Variants in DPP10 observed in about 807,000 individuals in gnomAD.
The protein encoded by DPP10 is dipeptidyl peptidase like 10.
A neutral mutation model predicts 120.9 loss-of-function variants in DPP10; 33 were observed. The observed-to-expected ratio is 0.27, with a 90% CI of 0.21 to 0.37. The LOEUF is 0.37. Ranked by LOEUF, DPP10 falls within the 10% of genes least tolerant of loss-of-function variation. The pLI is 1.00. For missense variants in DPP10, 816 were observed against 942.8 expected (o/e 0.87, Z 1.76); for synonymous variants, 337 against 326.1 (o/e 1.03, Z -0.36).
intron 1 of DPP10, among the ~76,000 whole-genome samples, chr2:114,878,555 C>A (rs912774580): frequency 5.3e-5 from 8 of 152,164 alleles, no homozygotes; most frequent in African/African-American, 1.9e-4. Flanking sequence ...CACGTTTATG[C>A]CTATTAACCA....
At position 114,708,631 on chromosome 2, in the gene DPP10, T is replaced by C. The variant is rs550414671; in HGVS notation, c.60+265793T>C. Among the ~76,000 whole-genome samples the C allele has an allele frequency of 1.1e-4, 16 of 152,114 alleles. No individual in the cohort carries two copies. In the East Asian group the frequency reaches 2.7e-3, roughly 26 times the overall value. On this transcript the variant is annotated intron_variant, in intron 1 of 25. Coordinates refer to ENST00000410059, the MANE Select transcript of DPP10 (RefSeq NM_020868.6). ...ACTGTGGCTCAGGTGTACATCACTGTGGTAAAAAAAAGGAGGAAAGAAAAG... is the reference window on the plus strand; with the variant it reads ...ACTGTGGCTCAGGTGTACATCACTGCGGTAAAAAAAAGGAGGAAAGAAAAG...
rs1205896000 is a variant in DPP10 at position 114,928,809 on chromosome 2, T to A, written c.61-380430T>A. On this transcript the variant is annotated intron_variant, in intron 1 of 25. Transcript: ENST00000410059. Reference sequence around the variant, plus strand: ...TTTCACCACTCTTGCATTCTGGACATCTACAGACATAGCACGAGGTGTATG... The same window carrying A: ...TTTCACCACTCTTGCATTCTGGACAACTACAGACATAGCACGAGGTGTATG... Among the ~76,000 whole-genome samples the A allele has an allele frequency of 2.0e-5, 3 of 152,286 alleles. No individual in the cohort carries two copies. In the East Asian group the frequency reaches 5.8e-4, roughly 29 times the overall value.
chr2:114,737,313 C>T (rs1677537151), intron 1 of DPP10, among the ~76,000 whole-genome samples: 1 of 152,182 alleles, frequency 6.6e-6, no homozygotes, highest in Non-Finnish European at 1.5e-5. Context: ...GAACTGGTGT[C>T]TGATTGAAGA....
chr2:115,084,373 A>G (rs1708522820), intron 1 of DPP10, among the ~76,000 whole-genome samples: 1 of 152,234 alleles, frequency 6.6e-6, no homozygotes. Context: ...AGCCAGAATT[A>G]TGATTTCAAA....
rs1489806740 is a variant in DPP10 at position 115,540,586 on chromosome 2, T to G, written c.441+14614T>G. Among the ~76,000 whole-genome samples, 4 of 151,928 alleles carry G rather than the reference T, an allele frequency of 2.6e-5. No individual in the cohort carries two copies. The East Asian group carries it at 7.7e-4, about 29-fold the overall frequency. The stretch of plus-strand genomic sequence containing the variant: ...GTATTTGTGTGAATTTTGATCTTCA[T>G]AAAGAAACATTAAATAATCTAAGTT... On this transcript the variant is annotated intron_variant, in intron 5 of 25. Coordinates refer to ENST00000410059, the MANE Select transcript of DPP10 (RefSeq NM_020868.6).
At chr2:114,643,380 A>G (rs1340260284) in intron 1 of DPP10, among the ~76,000 whole-genome samples, 2 of 151,930 alleles carry the variant, frequency 1.3e-5, no homozygotes, top group African/African-American at 4.9e-5. Context: ...ACCCATGCAC[A>G]CTTAGTTTAT....
At chr2:115,816,214 A>G (rs1312134967) in intron 21 of DPP10, among the ~76,000 whole-genome samples, 3 of 152,216 alleles carry the variant, frequency 2.0e-5, no homozygotes, top group African/African-American at 4.8e-5. Flanking sequence ...ACACAATTTC[A>G]TATAGTAATA....
chr2:115,374,820 T>G (rs1374952317), intron 3 of DPP10, among the ~76,000 whole-genome samples: 2 of 152,144 alleles, frequency 1.3e-5, no homozygotes, highest in East Asian at 3.9e-4. Flanking sequence ...TAGCTATGGA[T>G]AAAACTGGAG....
At position 115,464,580 on chromosome 2, in the gene DPP10, CTG is replaced by C. The variant is rs546209345; in HGVS notation, c.272-34928_272-34927del. 1.3e-3 allele frequency among the ~76,000 whole-genome samples: 193 copies of C among 152,190 alleles called. 2 individuals are homozygous for C. The highest frequency in any genetic ancestry group is 4.6e-3 in the African/African-American group (190 of 41,548). On this transcript the variant is annotated intron_variant, in intron 3 of 25. Coordinates refer to ENST00000410059, the MANE Select transcript of DPP10 (RefSeq NM_020868.6). ...GAATGCCCCAGCCTGTATGTTGAAA[CTG>C]TTTACACATGCTACTCCTCAGGCCC...
intron 5 of DPP10, among the ~76,000 whole-genome samples, chr2:115,609,446 G>C (rs2083939861): frequency 6.6e-6 from 1 of 152,112 alleles, no homozygotes; most frequent in Admixed American, 6.6e-5. Context: ...GGAAGATAGT[G>C]AAGGGATATT....
intron 1 of DPP10, among the ~76,000 whole-genome samples, chr2:115,078,242 C>A (rs1378199118): frequency 1.3e-5 from 2 of 152,022 alleles, no homozygotes; most frequent in Admixed American, 6.6e-5. Flanking sequence ...CAAATGAACA[C>A]CAAATGATTC....
intron 2 of DPP10, among the ~76,000 whole-genome samples, chr2:115,341,018 A>C (rs1264483730): frequency 6.6e-6 from 1 of 152,032 alleles, no homozygotes; most frequent in Non-Finnish European, 1.5e-5. Context: ...TCTATATCAA[A>C]CTTTTGTTTT....
At chr2:114,518,069 ATTT>A (rs751351962) in intron 1 of DPP10, among the ~76,000 whole-genome samples, 177 of 54,144 alleles carry the variant, frequency 3.3e-3, no homozygotes, top group Middle Eastern at 0.011. Flanking sequence ...TGAGCTATTC[ATTT>A]TTTTTTTTTT....
At chr2:115,378,923 G>C (rs959400435) in intron 3 of DPP10, among the ~76,000 whole-genome samples, 1 of 152,126 alleles carries the variant, frequency 6.6e-6, no homozygotes, top group Admixed American at 6.5e-5. Context: ...TGGTGGATAA[G>C]CTTTTTGATG....
chr2:115,067,515 G>A (rs1484816780), intron 1 of DPP10, among the ~76,000 whole-genome samples: 1 of 148,418 alleles, frequency 6.7e-6, no homozygotes, highest in Non-Finnish European at 1.5e-5. Flanking sequence ...GCCTCCCAAA[G>A]TGCTGGGATC....
chr2:114,491,634 C>T (rs1172338675), intron 1 of DPP10, among the ~76,000 whole-genome samples: 1 of 152,130 alleles, frequency 6.6e-6, no homozygotes, highest in Non-Finnish European at 1.5e-5. Flanking sequence ...GCATTCTCCA[C>T]CAGATACTGC....
chr2:114,743,701 C>T (rs1039823928), intron 1 of DPP10, among the ~76,000 whole-genome samples: 2 of 152,204 alleles, frequency 1.3e-5, no homozygotes, highest in East Asian at 3.9e-4. Flanking sequence ...GTATAATGAA[C>T]TGAGTTTGCT....
chr2:115,699,831 C>A (rs1443109928), intron 7 of DPP10, among the ~76,000 whole-genome samples: 1 of 152,096 alleles, frequency 6.6e-6, no homozygotes, highest in Non-Finnish European at 1.5e-5. Context: ...TACAACATAG[C>A]TAACTGGGAT....
chr2:115,472,546 T>G (rs574590880), intron 3 of DPP10, among the ~76,000 whole-genome samples: 1 of 152,350 alleles, frequency 6.6e-6, no homozygotes, highest in East Asian at 1.9e-4. Context: ...CAGATCTTGA[T>G]TCAGACTAGC....
Sources: gnomAD v4.1 joint callset for allele counts (sites outside exome capture counted in the v4.1 genomes callset) on GRCh38, gnomAD v4.1.1 for gene constraint, MANE v1.5 for transcripts, NCBI Gene and HGNC (gene_info 2026-07-23, HGNC 2026-07-21) for gene names.